ERBB4: variants seen among roughly 807,000 people sequenced by gnomAD.
The protein encoded by ERBB4 is receptor tyrosine-protein kinase erbB-4.
Under a neutral mutation model 158.0 loss-of-function variants are expected in ERBB4, and 42 were observed. That is an observed-to-expected ratio of 0.27 (90% confidence interval 0.21 to 0.34). The LOEUF (loss-of-function observed/expected upper bound fraction) is 0.34, where lower values mean the gene tolerates loss of function less well. Ranked by LOEUF, ERBB4 falls within the 10% of genes least tolerant of loss-of-function variation. The pLI, the probability that ERBB4 is intolerant of heterozygous loss-of-function variation, is 1.00. For synonymous variants in ERBB4, 583 were observed against 558.7 expected, an observed-to-expected ratio of 1.04 and a Z score of -0.61; for missense variants, 1,333 against 1,624.1, an observed-to-expected ratio of 0.82 and a Z score of 3.08.
At chr2:211,911,856 G>A (rs1277937037) in intron 3 of ERBB4, among the ~76,000 whole-genome samples, 1 of 150,926 alleles carries the variant, frequency 6.6e-6, no homozygotes, top group Admixed American at 6.6e-5. Flanking sequence ...GCACAATGTG[G>A]TAAATATAAT....
intron 2 of ERBB4, among the ~76,000 whole-genome samples, chr2:211,956,888 G>A (rs190953942): frequency 1.0e-3 from 156 of 152,080 alleles, no homozygotes; most frequent in Middle Eastern, 0.01. Context: ...AGGCTGGAGC[G>A]CAGTGGTGTG....
intron 12 of ERBB4, among the ~76,000 whole-genome samples, chr2:211,693,814 T>A (rs2072910695): frequency 6.6e-6 from 1 of 152,176 alleles, no homozygotes. Context: ...ATCCAGGTGT[T>A]CGCAGGCTAG....
chr2:212,057,500 C>T (rs567618105), intron 2 of ERBB4, among the ~76,000 whole-genome samples: 1 of 152,304 alleles, frequency 6.6e-6, no homozygotes, highest in South Asian at 2.1e-4. Flanking sequence ...CCACATCACA[C>T]TGATTCCAAA....
chr2:211,719,792 T>C (rs2074036899), intron 7 of ERBB4, among the ~76,000 whole-genome samples: 1 of 150,758 alleles, frequency 6.6e-6, no homozygotes, highest in Non-Finnish European at 1.5e-5. Flanking sequence ...GATGCAGAGG[T>C]TGCAGTGAGC....
At chr2:211,773,081 T>A (rs186390298) in intron 4 of ERBB4, among the ~76,000 whole-genome samples, 1 of 150,446 alleles carries the variant, frequency 6.6e-6, no homozygotes, top group Non-Finnish European at 1.5e-5. Context: ...CCACGCCTTG[T>A]CAATAACTGG....
intron 1 of ERBB4, among the ~76,000 whole-genome samples, chr2:212,334,099 A>G (rs1405163885): frequency 1.3e-5 from 2 of 152,236 alleles, no homozygotes; most frequent in East Asian, 1.9e-4. Context: ...TATATAGGAA[A>G]AAGACATATG....
intron 1 of ERBB4, among the ~76,000 whole-genome samples, chr2:212,430,948 C>A (rs1247552183): frequency 6.6e-6 from 1 of 152,104 alleles, no homozygotes; most frequent in East Asian, 1.9e-4. Flanking sequence ...CCTTCTGACC[C>A]CAAACCTGGT....
At chr2:211,722,994 G>A (rs746796693) in intron 6 of ERBB4, among the ~76,000 whole-genome samples, 2 of 152,198 alleles carry the variant, frequency 1.3e-5, no homozygotes, top group African/African-American at 4.8e-5. Context: ...CATTGTGATG[G>A]TGATTTATAT....
At chr2:211,448,144 T>C (rs925267585) in intron 20 of ERBB4, among the ~76,000 whole-genome samples, 1 of 152,042 alleles carries the variant, frequency 6.6e-6, no homozygotes, top group Non-Finnish European at 1.5e-5. Flanking sequence ...GGCTAATTTT[T>C]ATATTTTTTG....
rs1321704392 is a variant in ERBB4 at position 212,191,743 on chromosome 2, CATATAACACGTGTTATACATGTTAT to C, written c.83-66865_83-66841del. Among the ~76,000 whole-genome samples the C allele has an allele frequency of 1.1e-3, 46 of 42,778 alleles. 1 individual carries two copies. The highest frequency in any genetic ancestry group is 0.01 in the East Asian group (5 of 478). The allele number at this position is 42,778 out of a possible 152,430, so 28.1% of individuals were successfully genotyped here. A position where few individuals can be genotyped will look rare whatever the true frequency, so the allele number is the denominator to read the frequency against. ...CATATAACACGTGTTATACATGTTA[CATATAACACGTGTTATACATGTTAT>C]ATATAACACGTGTGTTATATGTTCT... On this transcript the variant is annotated intron_variant, in intron 1 of 27. Coordinates refer to ENST00000342788, the MANE Select transcript of ERBB4 (RefSeq NM_005235.3).
intron 1 of ERBB4, among the ~76,000 whole-genome samples, chr2:212,384,890 A>AAT (rs67216333): frequency 0.16 from 19,557 of 122,592 alleles, 1,451 homozygotes; most frequent in Admixed American, 0.25. Context: ...ATGTTTGTGG[A>AAT]ATATATATAT....
intron 19 of ERBB4, among the ~76,000 whole-genome samples, chr2:211,580,855 G>GAGATT (rs1559317425): frequency 2.2e-4 from 3 of 13,912 alleles, no homozygotes; most frequent in South Asian, 0.013. Flanking sequence ...TATATATATA[G>GAGATT]TATGCATATA....
chr2:211,705,822 T>G (rs1316719919), intron 9 of ERBB4, among the ~76,000 whole-genome samples: 4 of 152,200 alleles, frequency 2.6e-5, no homozygotes, highest in African/African-American at 9.6e-5. Context: ...GTACCTGGAA[T>G]TCGTAAGAAG....
At chr2:212,448,401 C>T (rs370751485) in intron 1 of ERBB4, among the ~76,000 whole-genome samples, 2 of 152,118 alleles carry the variant, frequency 1.3e-5, no homozygotes, top group African/African-American at 2.4e-5. Flanking sequence ...ATTTGCTAAT[C>T]GCACAAGATG....
At chr2:212,363,365 C>A (rs540075326) in intron 1 of ERBB4, among the ~76,000 whole-genome samples, 74 of 151,360 alleles carry the variant, frequency 4.9e-4, no homozygotes, top group African/African-American at 1.7e-3. Context: ...TATTTTACCT[C>A]GTTATCACTG....
chr2:212,051,994 G>A (rs1038385904), intron 2 of ERBB4, among the ~76,000 whole-genome samples: 7 of 152,270 alleles, frequency 4.6e-5, no homozygotes, highest in Admixed American at 1.3e-4. Flanking sequence ...TGACTGGATT[G>A]AAGGATGCAG....
chr2:211,754,068 GC>G (rs2075220824), intron 4 of ERBB4, among the ~76,000 whole-genome samples: 1 of 151,982 alleles, frequency 6.6e-6, no homozygotes, highest in East Asian at 2.0e-4. Context: ...CACTGTGTTA[GC>G]CAGGATGGTC....
At chr2:211,499,071 T>C (rs950006739) in intron 20 of ERBB4, among the ~76,000 whole-genome samples, 1 of 152,116 alleles carries the variant, frequency 6.6e-6, no homozygotes, top group Non-Finnish European at 1.5e-5. Context: ...AAGCATGCAA[T>C]CAATCTTTGA....
intron 20 of ERBB4, chr2:211,561,617 C>T (rs2125720242): frequency 2.3e-6 from 1 of 426,148 alleles, no homozygotes. Flanking sequence ...ACAAATAAGC[C>T]AAACAAATCC....
Sources: allele counts gnomAD v4.1 joint callset (sites outside exome capture counted in the v4.1 genomes callset), GRCh38; gene constraint gnomAD v4.1.1; transcripts MANE v1.5; gene names NCBI Gene and HGNC (gene_info 2026-07-23, HGNC 2026-07-21).